Variants in SGCZ observed in about 807,000 individuals in gnomAD.
SGCZ encodes the protein zeta-sarcoglycan.
Under a neutral mutation model 41.3 loss-of-function variants are expected in SGCZ, and 40 were observed. That is an observed-to-expected ratio of 0.97 (90% CI 0.75 to 1.26). The LOEUF is 1.26. Among genes scored for constraint, SGCZ ranks in the 50% most tolerant of loss-of-function variants. The pLI is 0.00. For missense variants in SGCZ, 552 were observed against 369.8 expected, an observed-to-expected ratio of 1.49 and a Z score of -4.04; for synonymous variants, 206 against 137.5, an observed-to-expected ratio of 1.50 and a Z score of -3.49.
chr8:14,673,193 T>C (rs185723476), intron 1 of SGCZ, among the ~76,000 whole-genome samples: 26 of 152,356 alleles, frequency 1.7e-4, no homozygotes, highest in Non-Finnish European at 2.8e-4. Context: ...TACTGTCTTG[T>C]AAACATTAAT....
chr8:14,969,804 G>A (rs1801233715), intron 1 of SGCZ, among the ~76,000 whole-genome samples: 1 of 151,956 alleles, frequency 6.6e-6, no homozygotes, highest in Admixed American at 6.6e-5. Flanking sequence ...GACATAAGTT[G>A]GCGCTACTGC....
chr8:14,338,141 C>A (rs1425816564), intron 2 of SGCZ, among the ~76,000 whole-genome samples: 2 of 152,098 alleles, frequency 1.3e-5, no homozygotes, highest in Non-Finnish European at 2.9e-5. Context: ...TTTTTGGACC[C>A]AGAAGCTATT....
At chr8:14,425,439 G>T (rs558972016) in intron 2 of SGCZ, among the ~76,000 whole-genome samples, 1 of 152,120 alleles carries the variant, frequency 6.6e-6, no homozygotes, top group South Asian at 2.1e-4. Flanking sequence ...TGGCCAACAT[G>T]ATGAAACCCC....
intron 1 of SGCZ, among the ~76,000 whole-genome samples, chr8:14,838,879 C>T (rs11780862): frequency 0.24 from 35,783 of 151,944 alleles, 5,090 homozygotes; most frequent in East Asian, 0.43. Flanking sequence ...GTCAGCATAG[C>T]GGGAACAGGG....
At chr8:14,990,404 G>A (rs979486704) in intron 1 of SGCZ, among the ~76,000 whole-genome samples, 10 of 152,114 alleles carry the variant, frequency 6.6e-5, no homozygotes, top group Admixed American at 6.5e-4. Flanking sequence ...CAGCCAAGCT[G>A]CATCTGTACT....
At chr8:14,570,890 C>T (rs1053159759) in intron 1 of SGCZ, among the ~76,000 whole-genome samples, 6 of 151,752 alleles carry the variant, frequency 4.0e-5, no homozygotes, top group South Asian at 2.1e-4. Flanking sequence ...TGACTAGAAG[C>T]GATAAGAAAG....
chr8:14,550,916 A>T (rs1011907241), intron 2 of SGCZ, among the ~76,000 whole-genome samples: 1 of 151,910 alleles, frequency 6.6e-6, no homozygotes, highest in Non-Finnish European at 1.5e-5. Context: ...CGACAATGAT[A>T]CTCAATTATT....
intron 2 of SGCZ, among the ~76,000 whole-genome samples, chr8:14,385,723 G>T (rs887648223): frequency 2.0e-5 from 3 of 151,942 alleles, no homozygotes; most frequent in Non-Finnish European, 4.4e-5. Flanking sequence ...AAAGAACAGA[G>T]AACAACCAAC....
chr8:14,858,367 C>T (rs928552013), intron 1 of SGCZ, among the ~76,000 whole-genome samples: 7 of 151,994 alleles, frequency 4.6e-5, no homozygotes, highest in East Asian at 3.9e-4. Context: ...CATTGTTTGA[C>T]GCTTTTTCAA....
Position 14,522,353 on chromosome 8 carries a change from CAGTG to C in SGCZ, c.234+32375_234+32378del, listed in dbSNP as rs766967685. Among the ~76,000 whole-genome samples the C allele has an allele frequency of 3.9e-5, 6 of 152,108 alleles. No homozygotes were observed. In the East Asian group the frequency reaches 9.7e-4, roughly 25 times the overall value. ...TTTTTTGAATATTTAGTGAAATCTT[CAGTG>C]AAATCACTTTGGACAAGATATTTTA... On this transcript the variant is annotated intron_variant, in intron 2 of 7. Coordinates refer to ENST00000382080, the MANE Select transcript of SGCZ (RefSeq NM_139167.4).
intron 2 of SGCZ, among the ~76,000 whole-genome samples, chr8:14,387,019 G>C (rs895791467): frequency 6.6e-5 from 10 of 152,152 alleles, no homozygotes; most frequent in Admixed American, 3.9e-4. Flanking sequence ...TACTTACTGA[G>C]GAAGGCTATG....
intron 4 of SGCZ, among the ~76,000 whole-genome samples, chr8:14,214,567 G>A (rs115000255): frequency 0.013 from 2,049 of 152,126 alleles, 58 homozygotes; most frequent in African/African-American, 0.047. Context: ...AAATAAAAGT[G>A]TATTTATAAA....
chr8:14,875,591 A>G (rs1183236028), intron 1 of SGCZ, among the ~76,000 whole-genome samples: 1 of 152,118 alleles, frequency 6.6e-6, no homozygotes, highest in East Asian at 1.9e-4. Flanking sequence ...TACTAAGAAA[A>G]GCACTGTACC....
intron 2 of SGCZ, among the ~76,000 whole-genome samples, chr8:14,485,871 G>A (rs1801658571): frequency 8.8e-6 from 1 of 113,934 alleles, no homozygotes; most frequent in Non-Finnish European, 1.7e-5. Flanking sequence ...GTCTCGCTCT[G>A]TCGCCCAGGC....
chr8:14,616,590 C>T (rs1397295), intron 1 of SGCZ, among the ~76,000 whole-genome samples: 91,602 of 151,924 alleles, frequency 0.6, 27,705 homozygotes, highest in East Asian at 0.76. Flanking sequence ...TCCAGGTGTT[C>T]TCCAGTTTCT....
chr8:14,868,984 A>C (rs998394956), intron 1 of SGCZ, among the ~76,000 whole-genome samples: 1 of 152,148 alleles, frequency 6.6e-6, no homozygotes, highest in Non-Finnish European at 1.5e-5. Flanking sequence ...GACCAGACAG[A>C]TTCACAGCCG....
At position 14,120,265 on chromosome 8, in the gene SGCZ, T is replaced by C. The variant is rs571675723; in HGVS notation, c.548-12030A>G. On this transcript the variant is annotated intron_variant, in intron 5 of 7. Transcript: ENST00000382080. ...AGTAATTGACTGATGGAGAACAATA[T>C]AGAAAGATATTAGAAGATAGAGAAA... Among the ~76,000 whole-genome samples, 6 of 152,236 alleles carry C rather than the reference T, an allele frequency of 3.9e-5. No homozygotes were observed. The East Asian group carries it at 1.2e-3, about 29-fold the overall frequency.
At chr8:14,601,507 T>G (rs183871784) in intron 1 of SGCZ, among the ~76,000 whole-genome samples, 1 of 152,216 alleles carries the variant, frequency 6.6e-6, no homozygotes, top group East Asian at 1.9e-4. Context: ...GTAAAGTTGA[T>G]CTTTTGGACA....
chr8:14,880,872 T>C (rs563938204), intron 1 of SGCZ, among the ~76,000 whole-genome samples: 19 of 152,054 alleles, frequency 1.2e-4, no homozygotes, highest in Admixed American at 7.2e-4. Flanking sequence ...AGTTAATGGG[T>C]GCAGCACATC....
Sources: gnomAD v4.1 joint callset for allele counts (sites outside exome capture counted in the v4.1 genomes callset) on GRCh38, gnomAD v4.1.1 for gene constraint, MANE v1.5 for transcripts, NCBI Gene and HGNC (gene_info 2026-07-23, HGNC 2026-07-21) for gene names.